Variants in NEDD9 observed in about 807,000 individuals in gnomAD.
NEDD9 encodes enhancer of filamentation 1.
In NEDD9, 26 loss-of-function variants were observed where a neutral mutation model predicts 76.6. The observed-to-expected ratio is 0.34, with a 90% CI of 0.25 to 0.47. The LOEUF (loss-of-function observed/expected upper bound fraction) is 0.47, where lower values mean the gene tolerates loss of function less well. Ranked by LOEUF, NEDD9 falls within the 20% of genes least tolerant of loss-of-function variation. NEDD9 has a pLI of 1.00. For synonymous variants in NEDD9, 392 were observed against 414.2 expected (o/e 0.95, Z 0.65); for missense variants, 937 against 1,058.5 (o/e 0.89, Z 1.59).
At chr6:11,253,535 C>G (rs1397700647) in intron 3 of NEDD9, among the ~76,000 whole-genome samples, 2 of 152,186 alleles carry the variant, frequency 1.3e-5, no homozygotes, top group Non-Finnish European at 2.9e-5. Flanking sequence ...GAATGAAAAC[C>G]TGAACTTTTA....
chr6:11,287,983 G>A (rs575811129), intron 3 of NEDD9, among the ~76,000 whole-genome samples: 9 of 152,280 alleles, frequency 5.9e-5, no homozygotes, highest in African/African-American at 2.2e-4. Context: ...TGGGGTCCCG[G>A]GTACAGTTGA....
intron 3 of NEDD9, among the ~76,000 whole-genome samples, chr6:11,291,170 C>A (rs946612522): frequency 6.6e-6 from 1 of 151,128 alleles, no homozygotes; most frequent in Non-Finnish European, 1.5e-5. Flanking sequence ...CTTGCTACTG[C>A]GGTTCACTGC....
chr6:11,378,406 C>T (rs1763004077), intron 1 of NEDD9, among the ~76,000 whole-genome samples: 1 of 152,130 alleles, frequency 6.6e-6, no homozygotes, highest in South Asian at 2.1e-4. Flanking sequence ...ATACAGCCTG[C>T]AGAACCATGA....
intron 1 of NEDD9, chr6:11,214,078 A>G: frequency 2.3e-6 from 1 of 431,008 alleles, no homozygotes; most frequent in Non-Finnish European, 4.5e-6. Context: ...AGTGAGCTTA[A>G]GGAAAAAAAA....
intron 1 of NEDD9, among the ~76,000 whole-genome samples, chr6:11,227,106 G>C (rs1184123756): frequency 6.6e-6 from 1 of 152,162 alleles, no homozygotes; most frequent in African/African-American, 2.4e-5. Flanking sequence ...TGAGTCCAAT[G>C]AACAATAATG....
chr6:11,218,362 T>C lies in NEDD9; in HGVS notation c.13-4635A>G, dbSNP rs201102437. On this transcript the variant is annotated intron_variant, in intron 1 of 6. Transcript: ENST00000379446. ...TTCAGCAACTTTTTTTTTTTTTTTT[T>C]CTGTAGCACAGAAATTGCTTCCCAA... Among the ~76,000 whole-genome samples, 429 of 139,200 alleles carry C rather than the reference T, an allele frequency of 3.1e-3. 2 individuals are homozygous for C. Among genetic ancestry groups the C allele is most frequent in the African/African-American group, 0.011 (404 of 37,804 alleles). The allele number at this position is 139,200 out of a possible 152,430, so 91.3% of individuals were successfully genotyped here.
intron 2 of NEDD9, among the ~76,000 whole-genome samples, chr6:11,333,792 G>A (rs938177908): frequency 6.6e-6 from 1 of 152,218 alleles, no homozygotes; most frequent in Non-Finnish European, 1.5e-5. Flanking sequence ...TTTAATGAAT[G>A]TTCTGGCAGC....
At chr6:11,315,981 T>G (rs184384106) in intron 2 of NEDD9, among the ~76,000 whole-genome samples, 1 of 152,294 alleles carries the variant, frequency 6.6e-6, no homozygotes. Context: ...TTTAAACCCT[T>G]TTGAGCTTAG....
In NEDD9 at chr6:11,190,908, G is replaced by A. The variant is rs927330533; in HGVS notation, c.961C>T (p.Arg321Ter). 2 of 1,614,062 alleles carry A rather than the reference G, an allele frequency of 1.2e-6. No homozygotes were observed. Among genetic ancestry groups the A allele is most frequent in the Admixed American group, 1.7e-5 (1 of 60,010 alleles). Residue 321 changes from arginine to a stop codon, truncating the protein, a stop_gained, in exon 5 of 7, where the codon CGA (arginine) becomes TGA (stop). Transcript: ENST00000379446. LOFTEE classifies it high-confidence loss of function. The surrounding 1 kb of genome is among the most constrained non-coding windows in gnomAD (Gnocchi z 5.8). Reference protein sequence around the residue: ...GSQNDAYDVPRGVQFLEPPAE... With the variant: ...GSQNDAYDVP ...GGTGGCTCAAGAAACTGAACGCCTC[G>A]GGGGACATCATATGCGTCGTTCTGA...
At position 11,190,410 on chromosome 6, in the gene NEDD9, G is replaced by A. The variant is rs371460032; in HGVS notation, c.1459C>T (p.Arg487Trp). 3.5e-5 allele frequency: 56 copies of A among 1,614,064 alleles called. No homozygotes were observed. Among genetic ancestry groups the A allele is most frequent in the Non-Finnish European group, 3.8e-5 (45 of 1,180,036 alleles). ...GAGTCTTCAACTCGTTGCAGCTCCC[G>A]CTTCATCTTGTTGTGGAGGATGAGT... ...PELILHNKMK[R>W]ELQRVEDSHQ... The change falls in exon 5 of 7, where the codon CGG becomes TGG. Residue 487 changes from arginine to tryptophan, a missense_variant. Arg to Trp is a moderately radical substitution (Grantham distance 101). Coordinates refer to ENST00000379446, the MANE Select transcript of NEDD9 (RefSeq NM_006403.4). This position sits in a 1 kb window ranked among gnomAD's most constrained non-coding sequence, Gnocchi z 5.8.
At chr6:11,326,706 C>T (rs1425647927) in intron 2 of NEDD9, among the ~76,000 whole-genome samples, 2 of 152,222 alleles carry the variant, frequency 1.3e-5, no homozygotes, top group Non-Finnish European at 2.9e-5. Flanking sequence ...CACAGGAGCA[C>T]ATGGGTGGCT....
At chr6:11,357,003 CT>C (rs1248570607) in intron 1 of NEDD9, among the ~76,000 whole-genome samples, 2 of 152,046 alleles carry the variant, frequency 1.3e-5, no homozygotes, top group Non-Finnish European at 2.9e-5. Context: ...TGACTGAGGC[CT>C]TCTGTTCCGG....
intron 2 of NEDD9, among the ~76,000 whole-genome samples, chr6:11,325,997 T>C (rs963374461): frequency 1.3e-5 from 2 of 151,938 alleles, no homozygotes; most frequent in African/African-American, 2.4e-5. Flanking sequence ...AATACAGAAA[T>C]TAGACAGGTG....
At chr6:11,238,433 G>T (rs2113284396) in intron 3 of NEDD9, among the ~76,000 whole-genome samples, 1 of 152,312 alleles carries the variant, frequency 6.6e-6, no homozygotes, top group Non-Finnish European at 1.5e-5. Flanking sequence ...GCTCAATAAG[G>T]TCGAGTCTCC....
At chr6:11,259,462 C>A (rs753092066) in intron 3 of NEDD9, among the ~76,000 whole-genome samples, 3 of 152,182 alleles carry the variant, frequency 2.0e-5, no homozygotes, top group East Asian at 1.9e-4. Context: ...TGGGTTCTAT[C>A]CTGTTCCCTA....
intron 1 of NEDD9, among the ~76,000 whole-genome samples, chr6:11,368,179 A>G (rs1285510827): frequency 1.3e-5 from 2 of 152,236 alleles, no homozygotes; most frequent in African/African-American, 4.8e-5. Flanking sequence ...AGCTGGGAAG[A>G]AGACACCAGG....
rs1182145404 is a variant in NEDD9, at chr6:11,330,002, T to C, written c.-153+4499A>G. Among the ~76,000 whole-genome samples the C allele has an allele frequency of 2.0e-5, 3 of 152,338 alleles. No homozygotes were observed. The East Asian group carries it at 5.8e-4, about 29-fold the overall frequency. On this transcript the variant is annotated intron_variant, in intron 2 of 3. Transcript: ENST00000397378. ...TTCCTGTGAGACCAGAAATGATCAGTATCTGTGCTGTCCGATGTGGGAGCT... is the reference window on the plus strand; with the variant it reads ...TTCCTGTGAGACCAGAAATGATCAGCATCTGTGCTGTCCGATGTGGGAGCT...
intron 1 of NEDD9, among the ~76,000 whole-genome samples, chr6:11,342,861 G>C (rs1442625829): frequency 6.6e-6 from 1 of 152,142 alleles, no homozygotes; most frequent in Non-Finnish European, 1.5e-5. Context: ...ACATTCAAAA[G>C]ACTTAACATG....
intron 1 of NEDD9, among the ~76,000 whole-genome samples, chr6:11,356,661 T>A (rs943515584): frequency 6.6e-6 from 1 of 152,156 alleles, no homozygotes; most frequent in Non-Finnish European, 1.5e-5. Flanking sequence ...AGTAGCATCA[T>A]TTTAGACCAC....
Sources: allele counts gnomAD v4.1 joint callset (sites outside exome capture counted in the v4.1 genomes callset), GRCh38; gene constraint gnomAD v4.1.1; non-coding constraint Gnocchi (gnomAD v3.1); transcripts MANE v1.5; gene names NCBI Gene and HGNC (gene_info 2026-07-23, HGNC 2026-07-21).